The following LINC00632 variants were observed in gnomAD, a reference collection of about 807,000 sequenced individuals.
LINC00632 encodes the protein long independently transcribed non-coding RNA 632.
chrX:140,718,529 C>T (rs1174346850), intron 2 of LINC00632, among the ~76,000 whole-genome samples: 1 of 108,795 alleles, frequency 9.2e-6, no homozygotes, highest in Non-Finnish European at 1.9e-5. Flanking sequence ...TCTCCTGCCT[C>T]AGCCTCCCGA....
chrX:140,769,350 C>T (rs1226609044), intron 3 of LINC00632, among the ~76,000 whole-genome samples: 1 of 111,545 alleles, frequency 9.0e-6, no homozygotes, highest in Non-Finnish European at 1.9e-5. Context: ...TCTTTCTAGA[C>T]CAGTCCTGTT....
At chrX:140,757,442 A>G (rs1199196631) in intron 3 of LINC00632, among the ~76,000 whole-genome samples, 1 of 111,591 alleles carries the variant, frequency 9.0e-6, no homozygotes, top group Non-Finnish European at 1.9e-5. Flanking sequence ...GAGAAGATTA[A>G]ACAGTACTGA....
chrX:140,723,845 TAC>T (rs1419953878), intron 2 of LINC00632, among the ~76,000 whole-genome samples: 210 of 3,036 alleles, frequency 0.069, no homozygotes, highest in African/African-American at 0.16. Context: ...ACACATTCCA[TAC>T]ACACACACAT....
At chrX:140,749,926 G>A (rs1037359175) in intron 3 of LINC00632, among the ~76,000 whole-genome samples, 2 of 110,521 alleles carry the variant, frequency 1.8e-5, no homozygotes, top group Non-Finnish European at 3.8e-5. Context: ...ACTCCTGGGC[G>A]CAAGTGATCC....
intron 2 of LINC00632, among the ~76,000 whole-genome samples, chrX:140,730,189 T>C (rs897995415): frequency 9.0e-6 from 1 of 111,117 alleles, no homozygotes; most frequent in African/African-American, 3.3e-5. Context: ...TATATGTCTC[T>C]TTTAATGTAG....
rs58322122 is a variant in LINC00632, at chrX:140,743,224, CAAAAAAAAAAAAAAA to C, written n.191+9282_191+9296del. ...TGGGCGACAGAGCAAAACGCTGTCTCAAAAAAAAAAAAAAAAAAAAAAAAAAAAAAAAAAAAGAAA... is the reference window on the plus strand; with the variant it reads ...TGGGCGACAGAGCAAAACGCTGTCTCAAAAAAAAAAAAAAAAAAAAAGAAA... On this transcript the variant is annotated intron_variant and non_coding_transcript_variant, in intron 3 of 4. Transcript: ENST00000648200. 6.1e-4 allele frequency among the ~76,000 whole-genome samples: 27 copies of C among 44,327 alleles called. 1 individual carries two copies. Among genetic ancestry groups the C allele is most frequent in the Admixed American group, 1.7e-3 (6 of 3,599 alleles). The allele number at this position is 44,327 out of a possible 115,157, so 38.5% of individuals were successfully genotyped here. A position where few individuals can be genotyped will look rare whatever the true frequency, so the allele number is the denominator to read the frequency against.
exon 4 of LINC00632, chrX:140,772,506 A>G (rs1931816068): frequency 3.4e-6 from 1 of 290,520 alleles, no homozygotes; most frequent in Non-Finnish European, 6.0e-6. Context: ...CAAAAGAACA[A>G]GGAGAGGGAT....
chrX:140,727,062 A>G (rs770364495), intron 2 of LINC00632, among the ~76,000 whole-genome samples: 2 of 110,687 alleles, frequency 1.8e-5, no homozygotes, highest in East Asian at 5.7e-4. Context: ...GCAGAGACTT[A>G]CCCACAAAGC....
intron 2 of LINC00632, among the ~76,000 whole-genome samples, chrX:140,716,780 T>TACACACACAC (rs200811174): frequency 5.1e-4 from 46 of 89,831 alleles, no homozygotes; most frequent in African/African-American, 6.9e-4. Flanking sequence ...GCCCACAACA[T>TACACACACAC]ACACACACAC....
chrX:140,758,561 A>G (rs1429619998), intron 3 of LINC00632, among the ~76,000 whole-genome samples: 1 of 110,760 alleles, frequency 9.0e-6, no homozygotes, highest in Non-Finnish European at 1.9e-5. Flanking sequence ...TATTTTTAGT[A>G]GAGACAGGGT....
At chrX:140,771,203 G>T (rs1471725021) in intron 3 of LINC00632, among the ~76,000 whole-genome samples, 3 of 110,442 alleles carry the variant, frequency 2.7e-5, no homozygotes, top group Non-Finnish European at 3.8e-5. Flanking sequence ...CTTATTGGGG[G>T]AAAGACTTTT....
intron 3 of LINC00632, among the ~76,000 whole-genome samples, chrX:140,759,289 T>TTCCCTTCC (rs1931552413): frequency 1.3e-5 from 1 of 79,603 alleles, no homozygotes. Context: ...TCTTTCTTTC[T>TTCCCTTCC]TTCCTTCCTT....
intron 3 of LINC00632, among the ~76,000 whole-genome samples, chrX:140,744,431 G>T (rs1931289583): frequency 9.1e-6 from 1 of 110,366 alleles, no homozygotes; most frequent in Non-Finnish European, 1.9e-5. Context: ...GCATAAAGAT[G>T]CTTGTATGTG....
chrX:140,753,386 T>A (rs368466057), intron 3 of LINC00632, among the ~76,000 whole-genome samples: 1 of 111,782 alleles, frequency 8.9e-6, no homozygotes, highest in Non-Finnish European at 1.9e-5. Flanking sequence ...TCGCCTTTAT[T>A]TTTTTATACA....
At chrX:140,757,752 A>G (rs147039556) in intron 3 of LINC00632, among the ~76,000 whole-genome samples, 201 of 110,980 alleles carry the variant, frequency 1.8e-3, no homozygotes, top group African/African-American at 6.4e-3. Flanking sequence ...TTTTTAGTAG[A>G]GACAGGGTTT....
intron 3 of LINC00632, among the ~76,000 whole-genome samples, chrX:140,743,224 CAAAAAAAAAAAAAAAAAAAAAAAAA>C (rs58322122): frequency 9.0e-5 from 4 of 44,355 alleles, no homozygotes; most frequent in African/African-American, 1.6e-4. Context: ...AACGCTGTCT[CAAAAAAAAAAAAAAAAAAAAAAAAA>C]AAAAAAAAAA....
intron 2 of LINC00632, among the ~76,000 whole-genome samples, chrX:140,718,740 G>T (rs1024401832): frequency 1.8e-5 from 2 of 111,804 alleles, no homozygotes; most frequent in Admixed American, 1.9e-4. Context: ...ACGCCTAGAA[G>T]CATCTATCAT....
intron 3 of LINC00632, among the ~76,000 whole-genome samples, chrX:140,759,464 C>T (rs1931565977): frequency 9.1e-6 from 1 of 109,804 alleles, no homozygotes; most frequent in Admixed American, 9.8e-5. Context: ...GTAAGTCATT[C>T]TCCCGCCTCA....
chrX:140,761,378 C>A (rs1475629447), intron 3 of LINC00632, among the ~76,000 whole-genome samples: 1 of 112,414 alleles, frequency 8.9e-6, no homozygotes, highest in African/African-American at 3.2e-5. Flanking sequence ...ACCCACAAAT[C>A]TTCCCTCTCA....
Sources: allele counts gnomAD v4.1 joint callset (sites outside exome capture counted in the v4.1 genomes callset), GRCh38; gene constraint gnomAD v4.1.1; transcripts MANE v1.5; gene names NCBI Gene and HGNC (gene_info 2026-07-23, HGNC 2026-07-21).